The following ARL15 variants were observed in gnomAD, a reference collection of about 807,000 sequenced individuals.
ARL15 encodes the protein ADP-ribosylation factor-like protein 15.
A neutral mutation model predicts 25.2 loss-of-function variants in ARL15; 19 were observed. The ratio of observed to expected loss-of-function variants is 0.75; its 90% confidence interval spans 0.53 to 1.10. The LOEUF is 1.10. Ranked by LOEUF, ARL15 falls within the 50% of genes least tolerant of loss-of-function variation. The pLI is 0.00. For missense variants in ARL15, 220 were observed against 246.0 expected (o/e 0.89, Z 0.71); for synonymous variants, 94 against 86.8 (o/e 1.08, Z -0.46).
intron 1 of ARL15, among the ~76,000 whole-genome samples, chr5:54,234,235 C>G (rs1000874338): frequency 6.6e-6 from 1 of 152,026 alleles, no homozygotes; most frequent in Middle Eastern, 3.2e-3. Flanking sequence ...AGGTGATCCG[C>G]CCGTTTCAGC....
intron 1 of ARL15, among the ~76,000 whole-genome samples, chr5:54,240,958 A>T (rs1465985862): frequency 4.6e-5 from 7 of 152,234 alleles, no homozygotes; most frequent in Non-Finnish European, 8.8e-5. Context: ...TCAGATAAAA[A>T]GTACTCAATT....
intron 4 of ARL15, among the ~76,000 whole-genome samples, chr5:53,973,815 T>C (rs894272300): frequency 3.3e-5 from 5 of 152,092 alleles, no homozygotes; most frequent in Admixed American, 6.6e-5. Flanking sequence ...TTAGTTTCTG[T>C]GAGCGGGCAA....
At position 53,948,107 on chromosome 5, in the gene ARL15, G is replaced by T. The variant is rs1046193131; in HGVS notation, c.463-61394C>A. 4.6e-5 allele frequency among the ~76,000 whole-genome samples: 7 copies of T among 152,090 alleles called. No homozygotes were observed. In the South Asian group the frequency reaches 1.4e-3, roughly 32 times the overall value. On this transcript the variant is annotated intron_variant, in intron 4 of 4. Transcript: ENST00000504924. ...AAAGAAAAGAAATAGAATAGGCACA[G>T]GTAAAAAATAGTGACATAGCAAAAA...
intron 4 of ARL15, among the ~76,000 whole-genome samples, chr5:54,087,329 A>G (rs763964194): frequency 3.3e-5 from 5 of 151,102 alleles, no homozygotes; most frequent in Non-Finnish European, 5.9e-5. Context: ...CTCCATCTCA[A>G]AAAAAAAAGA....
At chr5:54,228,930 C>T (rs1422641708) in intron 1 of ARL15, among the ~76,000 whole-genome samples, 1 of 152,122 alleles carries the variant, frequency 6.6e-6, no homozygotes, top group Non-Finnish European at 1.5e-5. Flanking sequence ...TAACATGTTT[C>T]CTGTCGGGAG....
chr5:54,168,653 C>T (rs896888653), intron 2 of ARL15, among the ~76,000 whole-genome samples: 13 of 151,982 alleles, frequency 8.6e-5, no homozygotes, highest in African/African-American at 3.1e-4. Context: ...CCCAGTAAGA[C>T]CACTAATCTT....
At chr5:54,050,407 G>C (rs1750668833) in intron 4 of ARL15, among the ~76,000 whole-genome samples, 1 of 152,180 alleles carries the variant, frequency 6.6e-6, no homozygotes, top group African/African-American at 2.4e-5. Flanking sequence ...ATACTGTGCT[G>C]TCTTTTAAAA....
intron 4 of ARL15, among the ~76,000 whole-genome samples, chr5:53,992,333 T>A (rs1165734049): frequency 6.6e-6 from 1 of 152,206 alleles, no homozygotes; most frequent in East Asian, 1.9e-4. Flanking sequence ...GACTTTCCAT[T>A]TTCCTGAATG....
At chr5:54,037,353 A>G (rs1448027534) in intron 4 of ARL15, among the ~76,000 whole-genome samples, 1 of 152,108 alleles carries the variant, frequency 6.6e-6, no homozygotes, top group East Asian at 1.9e-4. Context: ...ACTTAGAAAT[A>G]TGTCCAAGAT....
chr5:54,157,350 A>G (rs1366918657), intron 2 of ARL15, among the ~76,000 whole-genome samples: 1 of 152,244 alleles, frequency 6.6e-6, no homozygotes, highest in Non-Finnish European at 1.5e-5. Context: ...AGTCTTCATA[A>G]GTTGACTACT....
intron 1 of ARL15, among the ~76,000 whole-genome samples, chr5:54,236,958 T>C (rs1015327564): frequency 2.0e-5 from 3 of 152,310 alleles, no homozygotes; most frequent in South Asian, 4.2e-4. Flanking sequence ...TACGACATCA[T>C]TGGAACATGA....
intron 1 of ARL15, among the ~76,000 whole-genome samples, chr5:54,275,221 A>T (rs1229495307): frequency 6.6e-6 from 1 of 152,202 alleles, no homozygotes; most frequent in Admixed American, 6.5e-5. Flanking sequence ...TCTTTGAGGT[A>T]CACTGCACCG....
chr5:53,983,542 T>A (rs1265391887), intron 4 of ARL15, among the ~76,000 whole-genome samples: 1 of 152,328 alleles, frequency 6.6e-6, no homozygotes. Flanking sequence ...TGCACTCTGG[T>A]TCACTCCTGT....
At chr5:54,219,145 C>T (rs532076393) in intron 1 of ARL15, among the ~76,000 whole-genome samples, 1 of 152,102 alleles carries the variant, frequency 6.6e-6, no homozygotes, top group Non-Finnish European at 1.5e-5. Context: ...AAACCCCAGA[C>T]ATAAAGAGAT....
At chr5:53,887,184 C>T (rs973844321) in intron 4 of ARL15, among the ~76,000 whole-genome samples, 2 of 152,134 alleles carry the variant, frequency 1.3e-5, no homozygotes, top group South Asian at 4.1e-4. Context: ...CATAACACAA[C>T]AAAAATCTAA....
At chr5:54,111,690 G>A (rs917876458) in intron 4 of ARL15, among the ~76,000 whole-genome samples, 6 of 151,942 alleles carry the variant, frequency 3.9e-5, no homozygotes, top group African/African-American at 1.2e-4. Flanking sequence ...TATGTATTAT[G>A]TATATATTAC....
intron 1 of ARL15, among the ~76,000 whole-genome samples, chr5:54,185,563 A>T (rs538759197): frequency 1.4e-3 from 210 of 152,298 alleles, no homozygotes; most frequent in Non-Finnish European, 2.5e-3. Flanking sequence ...TGTGCTCCCC[A>T]GTGATGTGCG....
At position 54,156,016 on chromosome 5, in the gene ARL15, AATT is replaced by A. The variant is rs1481414883; in HGVS notation, c.194-1380_194-1378del. Among the ~76,000 whole-genome samples, 3 of 152,342 alleles carry A rather than the reference AATT, an allele frequency of 2.0e-5. No homozygotes were observed. In the East Asian group the frequency reaches 5.8e-4, roughly 29 times the overall value. On this transcript the variant is annotated intron_variant, in intron 2 of 4. Coordinates refer to ENST00000504924, the MANE Select transcript of ARL15 (RefSeq NM_019087.3). The stretch of plus-strand genomic sequence containing the variant: ...CAAGAATTTATCAACAAAGAAGACA[AATT>A]ATGAGTCTTTGAGGTAAGTTATGAA...
At chr5:54,018,589 T>C (rs1749496913) in intron 4 of ARL15, among the ~76,000 whole-genome samples, 1 of 152,202 alleles carries the variant, frequency 6.6e-6, no homozygotes. Flanking sequence ...AGGATCCAAA[T>C]AGGATTTCAA....
Sources: gnomAD v4.1 joint callset for allele counts (sites outside exome capture counted in the v4.1 genomes callset) on GRCh38, gnomAD v4.1.1 for gene constraint, MANE v1.5 for transcripts, NCBI Gene and HGNC (gene_info 2026-07-23, HGNC 2026-07-21) for gene names.